Variants in ANKRD44 observed in about 807,000 individuals in gnomAD.
The protein encoded by ANKRD44 is ankyrin repeat domain 44.
Under a neutral mutation model 116.0 loss-of-function variants are expected in ANKRD44, and 35 were observed. The observed-to-expected ratio is 0.30, with a 90% CI of 0.23 to 0.40. ANKRD44 has a LOEUF of 0.40. Ranked by LOEUF, ANKRD44 falls within the 10% of genes least tolerant of loss-of-function variation. The pLI, the probability that ANKRD44 is intolerant of heterozygous loss-of-function variation, is 1.00. For synonymous variants in ANKRD44, 435 were observed against 461.8 expected, an observed-to-expected ratio of 0.94 and a Z score of 0.74; for missense variants, 1,014 against 1,242.6, an observed-to-expected ratio of 0.82 and a Z score of 2.77.
chr2:197,064,495 A>G (rs1166596596), intron 16 of ANKRD44, among the ~76,000 whole-genome samples: 4 of 152,362 alleles, frequency 2.6e-5, no homozygotes, highest in South Asian at 2.1e-4. Context: ...CAATTAAAAG[A>G]CAGAGACTGG....
intron 1 of ANKRD44, among the ~76,000 whole-genome samples, chr2:197,279,896 T>C (rs964409152): frequency 2.0e-5 from 3 of 152,236 alleles, no homozygotes; most frequent in Non-Finnish European, 4.4e-5. Flanking sequence ...CAGTGTCTTG[T>C]CCTGGCTTCC....
intron 2 of ANKRD44, among the ~76,000 whole-genome samples, chr2:197,176,531 T>C (rs907642197): frequency 2.6e-5 from 4 of 152,182 alleles, no homozygotes; most frequent in Non-Finnish European, 4.4e-5. Context: ...GTGTGACTGA[T>C]ATGGATTATT....
In ANKRD44 at chr2:197,147,098, T is replaced by C; in HGVS notation, c.119A>G (p.Glu40Gly). 1.2e-6 allele frequency: 2 copies of C among 1,613,798 alleles called. No homozygotes were observed. Among genetic ancestry groups the C allele is most frequent in the Non-Finnish European group, 1.7e-6 (2 of 1,179,728 alleles). Residue 40 changes from glutamate (E) to glycine (G), a missense_variant, in exon 3 of 28, where the codon GAG (glutamate) becomes GGG (glycine). Physicochemically the swap from Glu to Gly is moderately conservative, Grantham distance 98 (BLOSUM62 -2). Coordinates refer to ENST00000282272, the MANE Select transcript of ANKRD44 (RefSeq NM_001195144.2). ...KTEDVNTLDS[E>G]KRTPLHVAAF... ...GGCCACATGAAGAGGGGTTCGTTTC[T>C]CAGAATCCTGAAATACACAACGTCA...
intron 2 of ANKRD44, among the ~76,000 whole-genome samples, chr2:197,164,525 C>A (rs1011631609): frequency 6.6e-6 from 1 of 152,222 alleles, no homozygotes; most frequent in Non-Finnish European, 1.5e-5. Flanking sequence ...CGCAGCGGCT[C>A]CTGGGTGGGA....
chr2:197,189,986 A>C (rs1350636071), intron 1 of ANKRD44, among the ~76,000 whole-genome samples: 2 of 152,188 alleles, frequency 1.3e-5, no homozygotes, highest in East Asian at 3.8e-4. Context: ...GGCATCCCAA[A>C]AAAGCTTCCA....
intron 16 of ANKRD44, chr2:197,029,357 T>G (rs906502072): frequency 3.7e-6 from 1 of 267,982 alleles, no homozygotes; most frequent in African/African-American, 2.3e-5. Context: ...CATGGCTTCT[T>G]TGGGACTCTG....
chr2:197,072,178 T>C (rs961697157), intron 16 of ANKRD44, among the ~76,000 whole-genome samples: 5 of 152,316 alleles, frequency 3.3e-5, no homozygotes, highest in Non-Finnish European at 5.9e-5. Context: ...GGTTGACTTG[T>C]AAACTGCCTT....
chr2:197,134,913 A>G lies in ANKRD44; in HGVS notation c.261+1679T>C, dbSNP rs912510169. ...AGGGGTTGGTCTCATGAAGCTGGTAATACCCACTCAGTCAGCTCACTGCCC... is the reference window on the plus strand; with the variant it reads ...AGGGGTTGGTCTCATGAAGCTGGTAGTACCCACTCAGTCAGCTCACTGCCC... On this transcript the variant is annotated intron_variant, in intron 4 of 27. Transcript: ENST00000282272. 9.2e-5 allele frequency: 14 copies of G among 152,304 alleles called. No individual in the cohort carries two copies. In the East Asian group the frequency reaches 2.7e-3, roughly 29 times the overall value. 9.4% of individuals were successfully genotyped at this position (152,304 alleles called of 1,614,324 possible).
intron 8 of ANKRD44, 145 bp downstream of exon 8, chr2:197,121,187 G>A: frequency 1.3e-6 from 1 of 758,878 alleles, no homozygotes; most frequent in Non-Finnish European, 2.2e-6. Context: ...TCAGCCTCCA[G>A]ACAACTTTTC....
At chr2:197,111,759 A>G (rs2078572921) in intron 8 of ANKRD44, among the ~76,000 whole-genome samples, 2 of 151,846 alleles carry the variant, frequency 1.3e-5, no homozygotes, top group African/African-American at 4.8e-5. Context: ...AATTTAAACA[A>G]AAGAATAAAG....
At chr2:197,041,724 TAGATCTC>T (rs1484051676) in intron 16 of ANKRD44, among the ~76,000 whole-genome samples, 1 of 152,206 alleles carries the variant, frequency 6.6e-6, no homozygotes, top group Non-Finnish European at 1.5e-5. Flanking sequence ...AGGATACCTA[TAGATCTC>T]AGATCTCAGA....
At chr2:197,303,096 C>A (rs900519762) in intron 1 of ANKRD44, among the ~76,000 whole-genome samples, 2 of 152,218 alleles carry the variant, frequency 1.3e-5, no homozygotes, top group Non-Finnish European at 2.9e-5. Flanking sequence ...AGAAGACAAA[C>A]TTCTTGGAGA....
chr2:197,168,104 T>C (rs1032226467), intron 2 of ANKRD44, among the ~76,000 whole-genome samples: 1 of 152,196 alleles, frequency 6.6e-6, no homozygotes, highest in African/African-American at 2.4e-5. Flanking sequence ...GTGTTCAGGC[T>C]GACAGCCAGC....
At chr2:197,256,522 C>T (rs1031194710) in intron 1 of ANKRD44, among the ~76,000 whole-genome samples, 5 of 152,054 alleles carry the variant, frequency 3.3e-5, no homozygotes, top group African/African-American at 1.2e-4. Flanking sequence ...TTTGTCTTTA[C>T]ACCAGGAAAT....
At chr2:197,147,477 C>T (rs563542179) in intron 2 of ANKRD44, among the ~76,000 whole-genome samples, 169 of 150,764 alleles carry the variant, frequency 1.1e-3, no homozygotes, top group Non-Finnish European at 2.0e-3. Flanking sequence ...TAGTTCAAAG[C>T]TTTCAATGAC....
chr2:197,146,039 T>C (rs926094434), intron 3 of ANKRD44, among the ~76,000 whole-genome samples: 1 of 152,134 alleles, frequency 6.6e-6, no homozygotes, highest in Non-Finnish European at 1.5e-5. Flanking sequence ...CATATAATGG[T>C]TTTGGAAACC....
chr2:197,173,297 T>A (rs1031040487), intron 2 of ANKRD44, among the ~76,000 whole-genome samples: 1 of 152,226 alleles, frequency 6.6e-6, no homozygotes, highest in African/African-American at 2.4e-5. Context: ...CAGTGACACC[T>A]ACAATTATAT....
chr2:197,121,348 G>T lies in ANKRD44; in HGVS notation c.890C>A (p.Ala297Glu), dbSNP rs1230049899. Residue 297 changes from alanine (A) to glutamate (E), a missense_variant, in exon 8 of 28, where the codon GCA (alanine) becomes GAA (glutamate). Coordinates refer to ENST00000282272, the MANE Select transcript of ANKRD44 (RefSeq NM_001195144.2). ...GTGTCATACCTGAATGTTAACATCT[G>T]CCCCGTTGTTTACTAACAATTCAAG... ...LCLELLVNNG[A>E]DVNIQSKDGK... 6.2e-7 allele frequency: 1 copy of T among 1,614,110 alleles called. No homozygotes were observed.
At position 197,117,573 on chromosome 2, in the gene ANKRD44, T is replaced by C. The variant is rs565961006; in HGVS notation, c.906+3759A>G. On this transcript the variant is annotated intron_variant, in intron 8 of 27. Transcript: ENST00000282272. ...TCTTTGGAGACAGGGTTTCACCATA[T>C]TGGTCAGACTGGTCTTGAACTCCTG... 5.3e-5 allele frequency among the ~76,000 whole-genome samples: 8 copies of C among 152,090 alleles called. No homozygotes were observed. The East Asian group carries it at 1.5e-3, about 29-fold the overall frequency.
Sources: allele counts gnomAD v4.1 joint callset (sites outside exome capture counted in the v4.1 genomes callset), GRCh38; gene constraint gnomAD v4.1.1; transcripts MANE v1.5; gene names NCBI Gene and HGNC (gene_info 2026-07-23, HGNC 2026-07-21).